The following TM2D2 variants were observed in gnomAD, a reference collection of about 807,000 sequenced individuals.
TM2D2 encodes TM2 domain containing 2.
A neutral mutation model predicts 23.0 loss-of-function variants in TM2D2; 19 were observed. That is an observed-to-expected ratio of 0.82 (90% CI 0.58 to 1.21). The LOEUF is 1.21. Ranked by LOEUF, TM2D2 falls within the 50% of genes most tolerant of loss-of-function variation. The probability of loss-of-function intolerance (pLI) is 0.00; values close to 1 mark genes in which losing one functional copy is unlikely to be tolerated. For synonymous variants in TM2D2, 120 were observed against 108.8 expected (o/e 1.10, Z -0.64); for missense variants, 246 against 265.4 (o/e 0.93, Z 0.51).
rs1328569967 is a variant in TM2D2, at chr8:38,996,460, A to G, written c.-21T>C. ...ACCATCTTCCCGGGCACAGGAGCGG[A>G]GACCCGGCCTCAACCACAACCCCAG... On this transcript the variant is annotated 5_prime_UTR_variant, in exon 1 of 4. Coordinates refer to ENST00000456397, the MANE Select transcript of TM2D2 (RefSeq NM_078473.3). The G allele has an allele frequency of 2.5e-6, 4 of 1,613,420 alleles. No homozygotes were observed. Among genetic ancestry groups the G allele is most frequent in the South Asian group, 2.2e-5 (2 of 91,066 alleles).
chr8:38,996,683 C>G, upstream of TM2D2: 2 of 1,425,550 alleles, frequency 1.4e-6, no homozygotes, highest in Non-Finnish European at 1.8e-6. Flanking sequence ...GGGTCTCATG[C>G]TCCTCCTTCT....
At chr8:38,995,479 A>C (rs769631875) in intron 1 of TM2D2, 74 bp from the exon 2 acceptor site, 1 of 1,591,830 alleles carries the variant, frequency 6.3e-7, no homozygotes, top group Admixed American at 1.8e-5. Flanking sequence ...CACGTAATCA[A>C]AACGGGCAAA....
rs188528549 is a variant in TM2D2 at position 38,993,349 on chromosome 8, G to A, written c.431+196C>T. On this transcript the variant is annotated intron_variant, in intron 3 of 3. Coordinates refer to ENST00000456397, the MANE Select transcript of TM2D2 (RefSeq NM_078473.3). Reference sequence around the variant, plus strand: ...CATGTGCCTGTTGTCCCAGATACTCGGGAGGCTGAGGCAGGAGGATTGCTT... The same window carrying A: ...CATGTGCCTGTTGTCCCAGATACTCAGGAGGCTGAGGCAGGAGGATTGCTT... Among the ~76,000 whole-genome samples the A allele has an allele frequency of 1.2e-4, 19 of 152,260 alleles. No individual in the cohort carries two copies. The East Asian group carries it at 3.7e-3, about 29-fold the overall frequency.
intron 2 of TM2D2, 142 bp downstream of exon 2, chr8:38,995,176 C>A (rs920547638): frequency 2.2e-4 from 140 of 633,484 alleles, no homozygotes; most frequent in Non-Finnish European, 3.3e-4. Flanking sequence ...CTGACCCTGG[C>A]CATACTGGAA....
At chr8:38,996,129 T>TC in intron 1 of TM2D2, 84 bp downstream of exon 1, 2 of 1,460,852 alleles carry the variant, frequency 1.4e-6, no homozygotes, top group Non-Finnish European at 1.8e-6. Flanking sequence ...AAATGCAGCG[T>TC]CCCCCCAACC....
chr8:38,995,773 G>A (rs1309152516), intron 1 of TM2D2: 2 of 1,253,636 alleles, frequency 1.6e-6, no homozygotes, highest in African/African-American at 3.1e-5. Context: ...ATCAAAAAGA[G>A]ATGTTAAAAA....
At position 38,992,337 on chromosome 8, in the gene TM2D2, G is replaced by T. The variant is rs552025884; in HGVS notation, c.432-792C>A. Reference sequence around the variant, plus strand: ...AAAAAAAAAAAAAAAAAAAGGCCAGGTGTGGTGGAGCACACCTGTAGTCCT... The same window carrying T: ...AAAAAAAAAAAAAAAAAAAGGCCAGTTGTGGTGGAGCACACCTGTAGTCCT... On this transcript the variant is annotated intron_variant, in intron 3 of 3. Transcript: ENST00000456397. Among the ~76,000 whole-genome samples, 153 of 136,958 alleles carry T rather than the reference G, an allele frequency of 1.1e-3. 1 individual carries two copies. The highest frequency in any genetic ancestry group is 3.9e-3 in the African/African-American group (148 of 37,486). The allele number at this position is 136,958 out of a possible 152,430, so 89.8% of individuals were successfully genotyped here. A position where few individuals can be genotyped will look rare whatever the true frequency, so the allele number is the denominator to read the frequency against.
rs143593225 is a variant in TM2D2, at chr8:38,996,258, C to T, written c.182G>A (p.Trp61Ter). The T allele has an allele frequency of 2.5e-6, 4 of 1,613,832 alleles. No homozygotes were observed. The highest frequency in any genetic ancestry group is 1.3e-5 in the African/African-American group (1 of 74,932). Residue 61 changes from tryptophan (W) to a stop codon, truncating the protein, a stop_gained, in exon 1 of 4, where the codon TGG becomes TAG. Transcript: ENST00000456397. LOFTEE classifies it high-confidence loss of function. ...QPEGPGGAAS[W>*]EYGDPHSPVI... ...CGGAGAGTGGGGGTCGCCATATTCC[C>T]AGCTCGCAGCACCCCCGGGGCCCTC...
In TM2D2 at chr8:38,989,295, C is replaced by T. The variant is rs1835535414; in HGVS notation, c.*2037G>A. 1 of 152,144 alleles carries T rather than the reference C, an allele frequency of 6.6e-6. No homozygotes were observed. Among genetic ancestry groups the T allele is most frequent in the Admixed American group, 6.5e-5 (1 of 15,272 alleles). The allele number at this position is 152,144 out of a possible 1,614,324, so 9.4% of individuals were successfully genotyped here. A position where few individuals can be genotyped will look rare whatever the true frequency, so the allele number is the denominator to read the frequency against. The stretch of plus-strand genomic sequence containing the variant: ...CCCTGGCAACATAAATGACTTCAAG[C>T]CTTGGAGCTGCAAAATTTCTTTTTT... On this transcript the variant is annotated 3_prime_UTR_variant, in exon 4 of 4. Transcript: ENST00000456397.
chr8:38,992,424 G>C (rs973719487), intron 3 of TM2D2, among the ~76,000 whole-genome samples: 2 of 149,448 alleles, frequency 1.3e-5, no homozygotes, highest in African/African-American at 4.9e-5. Context: ...GCTGCAGTGA[G>C]CCCTGTTTGT....
upstream of TM2D2, chr8:38,996,929 C>T (rs1247611432): frequency 1.4e-5 from 19 of 1,392,736 alleles, no homozygotes; most frequent in East Asian, 4.9e-4. Context: ...CGCGCGCGTG[C>T]TCGTCGGGCG....
At position 38,996,423 on chromosome 8, in the gene TM2D2, C is replaced by G. The variant is rs758254108; in HGVS notation, c.17G>C (p.Cys6Ser). The G allele has an allele frequency of 5.0e-6, 8 of 1,614,060 alleles. No homozygotes were observed. Among genetic ancestry groups the G allele is most frequent in the Non-Finnish European group, 6.8e-6 (8 of 1,180,038 alleles). Residue 6 changes from cysteine to serine, a missense_variant, in exon 1 of 4, where the codon TGC (cysteine) becomes TCC (serine). This residue lies in a region of TM2D2 where 212 missense variants were observed against 202.2 expected (regional missense o/e 1.05). Coordinates refer to ENST00000456397, the MANE Select transcript of TM2D2 (RefSeq NM_078473.3). ...GCACAGAAGTAAGTAACTAACCGGG[C>G]AACCACCTAGCACCATCTTCCCGGG... is the stretch of plus-strand genomic sequence containing the variant. MVLGG[C>S]PVSYLLLCGQ...
intron 2 of TM2D2, 30 bp downstream of exon 2, chr8:38,995,288 G>A (rs1835726962): frequency 1.1e-5 from 17 of 1,480,604 alleles, no homozygotes; most frequent in Non-Finnish European, 1.4e-5. Flanking sequence ...TTATCGAAGG[G>A]TTTGCTCTTA....
chr8:38,995,319 T>C lies in TM2D2; in HGVS notation c.314A>G (p.Lys105Arg), dbSNP rs1229689678. Reference protein sequence around the residue: ...ASQELGYGCLKFGGQAYSDVE... With the variant: ...ASQELGYGCLRFGGQAYSDVE... ...TCTTACGACAAAACAAAAACTCACC[T>C]TGAGACAACCATAACCAAGTTCCTG... The change falls in exon 2 of 4, where the codon AAG becomes AGG. Residue 105 changes from lysine to arginine, a missense_variant and splice_region_variant. By Grantham distance (26) the Lys-to-Arg change is conservative. Around this residue, in one of 2 missense-constraint regions of TM2D2, gnomAD observed 212 missense variants for 202.2 expected, o/e 1.05. Transcript: ENST00000456397. 1 of 1,587,526 alleles carries C rather than the reference T, an allele frequency of 6.3e-7. No homozygotes were observed. Among genetic ancestry groups the C allele is most frequent in the Admixed American group, 1.9e-5 (1 of 53,638 alleles).
At chr8:38,994,713 A>G (rs1835702186) in intron 2 of TM2D2, among the ~76,000 whole-genome samples, 1 of 152,146 alleles carries the variant, frequency 6.6e-6, no homozygotes, top group Admixed American at 6.5e-5. Context: ...ATTTTGAGAG[A>G]TTGATTAGGA....
At chr8:38,994,475 AT>A (rs1380615303) in intron 2 of TM2D2, among the ~76,000 whole-genome samples, 10 of 152,254 alleles carry the variant, frequency 6.6e-5, no homozygotes, top group African/African-American at 2.4e-4. Flanking sequence ...ATCAATAATT[AT>A]CAACAGAGTA....
At chr8:38,992,572 G>A (rs1318866878) in intron 3 of TM2D2, among the ~76,000 whole-genome samples, 2 of 152,164 alleles carry the variant, frequency 1.3e-5, no homozygotes, top group East Asian at 3.9e-4. Context: ...TTGGTAGAGG[G>A]TCTCAACAGA....
At chr8:38,993,733 TA>T in intron 2 of TM2D2, 73 bp from the exon 3 acceptor site, 1 of 1,117,362 alleles carries the variant, frequency 8.9e-7, no homozygotes. Context: ...TTATATTCAC[TA>T]ATAACAGAAT....
At chr8:38,996,935 G>A (rs1029067538), upstream of TM2D2, 2 of 1,396,086 alleles carry the variant, frequency 1.4e-6, no homozygotes. Context: ...CGTGCTCGTC[G>A]GGCGCGCGTG....
Sources: gnomAD v4.1 joint callset for allele counts (sites outside exome capture counted in the v4.1 genomes callset) on GRCh38, gnomAD v4.1.1 for gene constraint, gnomAD v4.1.1 regional missense constraint, MANE v1.5 for transcripts, NCBI Gene and HGNC (gene_info 2026-07-23, HGNC 2026-07-21) for gene names.